The following ZNF740 variants were observed in gnomAD, a reference collection of about 807,000 sequenced individuals.
The protein encoded by ZNF740 is oriLyt TD-element-binding protein 7.
Under a neutral mutation model 24.8 loss-of-function variants are expected in ZNF740, and 14 were observed. The observed-to-expected ratio is 0.56, with a 90% CI of 0.37 to 0.88. ZNF740 has a LOEUF of 0.88. Among genes scored for constraint, ZNF740 ranks in the 40% least tolerant of loss-of-function variants. The pLI is 0.00. For synonymous variants in ZNF740, 69 were observed against 84.0 expected, an observed-to-expected ratio of 0.82 and a Z score of 0.98; for missense variants, 201 against 247.9, an observed-to-expected ratio of 0.81 and a Z score of 1.27.
Position 53,194,288 on chromosome 12 carries a change from A to T in ZNF740, c.*6698A>T, listed in dbSNP as rs2120435085. 1.2e-6 allele frequency: 2 copies of T among 1,613,932 alleles called. No individual in the cohort carries two copies. Among genetic ancestry groups the T allele is most frequent in the East Asian group, 4.5e-5 (2 of 44,872 alleles). Reference sequence around the variant, plus strand: ...GACCCTCACACTGGGATTCGTAAGAAATGTGGACCCCAGGAGGGAGTGAAG... The same window carrying T: ...GACCCTCACACTGGGATTCGTAAGATATGTGGACCCCAGGAGGGAGTGAAG... On this transcript the variant is annotated 3_prime_UTR_variant, in exon 7 of 7. Transcript: ENST00000416904.
chr12:53,185,455 T>A lies in ZNF740; in HGVS notation c.228T>A (p.His76Gln). 1 of 1,613,940 alleles carries A rather than the reference T, an allele frequency of 6.2e-7. No homozygotes were observed. Among genetic ancestry groups the A allele is most frequent in the Non-Finnish European group, 8.5e-7 (1 of 1,179,862 alleles). The change falls in exon 4 of 7, where the codon CAT becomes CAA. Residue 76 changes from histidine (H) to glutamine (Q), a missense_variant. Coordinates refer to ENST00000416904, the MANE Select transcript of ZNF740 (RefSeq NM_001004304.4). ...ATGACAGCTTGTCTGAGGCCTCTCA[T>A]TCAAAAAAGACTGTTAAAAAGGCAG... ...KDDDSLSEAS[H>Q]SKKTVKKVVV...
At chr12:53,183,395 C>T (rs545515165) in intron 2 of ZNF740, among the ~76,000 whole-genome samples, 3 of 152,234 alleles carry the variant, frequency 2.0e-5, no homozygotes, top group African/African-American at 7.2e-5. Flanking sequence ...ACTCCAAAGT[C>T]CCAGAAGGTG....
chr12:53,180,750 A>T lies in ZNF740; in HGVS notation c.-395A>T. The T allele has an allele frequency of 7.9e-7, 1 of 1,266,260 alleles. No individual in the cohort carries two copies. The highest frequency in any genetic ancestry group is 1.0e-6 in the Non-Finnish European group (1 of 978,192). The allele number at this position is 1,266,260 out of a possible 1,614,324, so 78.4% of individuals were successfully genotyped here. On this transcript the variant is annotated 5_prime_UTR_variant, in exon 1 of 7. Transcript: ENST00000416904. ...AACTTGCCTCGGTCCCGGTGGGGGC[A>T]GCCGCGGCGGTGGGGTTGGCAGGGT... is the stretch of plus-strand genomic sequence containing the variant.
chr12:53,185,466 C>G lies in ZNF740; in HGVS notation c.239C>G (p.Thr80Ser), dbSNP rs192801175. ...TCTGAGGCCTCTCATTCAAAAAAGA[C>G]TGTTAAAAAGGCAGGTAATGGGGTG... is the stretch of plus-strand genomic sequence containing the variant. ...SLSEASHSKK[T>S]VKKVVVVEQN... The change falls in exon 4 of 7, where the codon ACT (threonine) becomes AGT (serine). Residue 80 changes from threonine to serine, a missense_variant. Physicochemically the swap from Thr to Ser is moderately conservative, Grantham distance 58. Around this residue, in one of 3 missense-constraint regions of ZNF740, gnomAD observed 117 missense variants for 122.3 expected, o/e 0.96. Transcript: ENST00000416904. The G allele has an allele frequency of 1.2e-6, 2 of 1,613,906 alleles. No individual in the cohort carries two copies. The highest frequency in any genetic ancestry group is 2.2e-5 in the East Asian group (1 of 44,884).
At chr12:53,182,545 T>C (rs1941692456) in intron 2 of ZNF740, among the ~76,000 whole-genome samples, 1 of 152,064 alleles carries the variant, frequency 6.6e-6, no homozygotes, top group African/African-American at 2.4e-5. Context: ...TAGGGGTATG[T>C]ACATAGGAGA....
In ZNF740 at chr12:53,186,515, G is replaced by A; in HGVS notation, c.492+6G>A. 3 of 1,550,116 alleles carry A rather than the reference G, an allele frequency of 1.9e-6. No individual in the cohort carries two copies. The highest frequency in any genetic ancestry group is 2.4e-5 in the South Asian group (2 of 84,196). ...AGTGTGAACGGTGTCATCAGGTAAG[G>A]CTCATCCCTGCTACAATACCCCACA... is the stretch of plus-strand genomic sequence containing the variant. On this transcript the variant is annotated splice_donor_region_variant and intron_variant, in intron 6 of 6. Transcript: ENST00000416904.
Position 53,193,129 on chromosome 12 carries a change from G to A in ZNF740, c.*5539G>A, listed in dbSNP as rs1942026566. 6.3e-7 allele frequency: 1 copy of A among 1,597,446 alleles called. No homozygotes were observed. Among genetic ancestry groups the A allele is most frequent in the African/African-American group, 1.3e-5 (1 of 74,644 alleles). On this transcript the variant is annotated 3_prime_UTR_variant, in exon 7 of 7. Transcript: ENST00000416904. ...CTCAGACCCCGCCCTTCTCCCCAAG[G>A]CTCCAGGTACCTCCGCAGAGGATGC...
intron 6 of ZNF740, 49 bp from the exon 7 acceptor site, chr12:53,187,452 G>A (rs1411988991): frequency 1.3e-6 from 2 of 1,517,662 alleles, no homozygotes; most frequent in East Asian, 4.5e-5. Flanking sequence ...TTAGCCAACA[G>A]GTAGCTGCGT....
intron 2 of ZNF740, among the ~76,000 whole-genome samples, chr12:53,184,667 A>G (rs753045975): frequency 3.3e-5 from 5 of 152,202 alleles, no homozygotes; most frequent in African/African-American, 4.8e-5. Flanking sequence ...TTGATTATTT[A>G]CTTGATCTAT....
At position 53,191,868 on chromosome 12, in the gene ZNF740, G is replaced by C; in HGVS notation, c.*4278G>C. On this transcript the variant is annotated 3_prime_UTR_variant, in exon 7 of 7. Coordinates refer to ENST00000416904, the MANE Select transcript of ZNF740 (RefSeq NM_001004304.4). The stretch of plus-strand genomic sequence containing the variant: ...CAGGAAGTCTCCTCACCTGCTTCCA[G>C]TTGAGTTGTTGCTGCTCCTTCTCAA... The C allele has an allele frequency of 6.2e-7, 1 of 1,613,450 alleles. No homozygotes were observed. The highest frequency in any genetic ancestry group is 1.1e-5 in the South Asian group (1 of 91,056).
chr12:53,194,054 A>G lies in ZNF740; in HGVS notation c.*6464A>G, dbSNP rs1447093807. The G allele has an allele frequency of 8.1e-6, 11 of 1,365,996 alleles. No individual in the cohort carries two copies. The highest frequency in any genetic ancestry group is 4.3e-5 in the African/African-American group (3 of 69,870). The allele number at this position is 1,365,996 out of a possible 1,614,324, so 84.6% of individuals were successfully genotyped here. On this transcript the variant is annotated 3_prime_UTR_variant, in exon 7 of 7. Coordinates refer to ENST00000416904, the MANE Select transcript of ZNF740 (RefSeq NM_001004304.4). ...AGAAACATGCCTGAGGAAGCCACTC[A>G]GACTGCTCCAGGAAGGATGGATGGA...
chr12:53,181,123 T>G, intron 1 of ZNF740: 1 of 963,706 alleles, frequency 1.0e-6, no homozygotes, highest in Non-Finnish European at 1.2e-6. Context: ...CTGCTCCCGG[T>G]TGGTGCAGCG....
intron 1 of ZNF740, chr12:53,181,391 A>G: frequency 1.0e-6 from 1 of 985,438 alleles, no homozygotes; most frequent in Non-Finnish European, 1.2e-6. Context: ...AAAGCCCCAA[A>G]GGGTCTCCGC....
chr12:53,192,758 A>G lies in ZNF740; in HGVS notation c.*5168A>G. ...CATAGAGCACCATAGTAGCCGTCCAAGCACTGGCAGCGGTTGCATTTGCAG... is the reference window on the plus strand; with the variant it reads ...CATAGAGCACCATAGTAGCCGTCCAGGCACTGGCAGCGGTTGCATTTGCAG... On this transcript the variant is annotated 3_prime_UTR_variant, in exon 7 of 7. Coordinates refer to ENST00000416904, the MANE Select transcript of ZNF740 (RefSeq NM_001004304.4). 1 of 1,614,230 alleles carries G rather than the reference A, an allele frequency of 6.2e-7. No homozygotes were observed. The highest frequency in any genetic ancestry group is 2.2e-5 in the East Asian group (1 of 44,888).
chr12:53,188,894 G>A lies in ZNF740; in HGVS notation c.*1304G>A, dbSNP rs547846607. 1 of 152,324 alleles carries A rather than the reference G, an allele frequency of 6.6e-6. No individual in the cohort carries two copies. The highest frequency in any genetic ancestry group is 2.4e-5 in the African/African-American group (1 of 41,550). The allele number at this position is 152,324 out of a possible 1,614,324, so 9.4% of individuals were successfully genotyped here. ...CTCCCAAAAAAGTAATCGGGTGTGT[G>A]TGTGTGTGTGAGAGAGAGTGTGTGT... On this transcript the variant is annotated 3_prime_UTR_variant, in exon 7 of 7. Transcript: ENST00000416904.
chr12:53,190,160 A>G lies in ZNF740; in HGVS notation c.*2570A>G, dbSNP rs1347135363. ...CCCGCGCTGATGTCTGGGGCAGTGC[A>G]TGTGTGAGAAGAGAGGCGCAAAGCA... On this transcript the variant is annotated 3_prime_UTR_variant, in exon 7 of 7. Coordinates refer to ENST00000416904, the MANE Select transcript of ZNF740 (RefSeq NM_001004304.4). 6.6e-6 allele frequency: 1 copy of G among 152,458 alleles called. No homozygotes were observed. The highest frequency in any genetic ancestry group is 2.4e-5 in the African/African-American group (1 of 41,446). The allele number at this position is 152,458 out of a possible 1,614,324, so 9.4% of individuals were successfully genotyped here. A position where few individuals can be genotyped will look rare whatever the true frequency, so the allele number is the denominator to read the frequency against.
At position 53,194,020 on chromosome 12, in the gene ZNF740, C is replaced by CTAG; in HGVS notation, c.*6430_*6431insTAG. The CTAG allele has an allele frequency of 7.7e-7, 1 of 1,303,332 alleles. No individual in the cohort carries two copies. The highest frequency in any genetic ancestry group is 1.4e-5 in the South Asian group (1 of 71,992). 80.7% of individuals were successfully genotyped at this position (1,303,332 alleles called of 1,614,324 possible). On this transcript the variant is annotated 3_prime_UTR_variant, in exon 7 of 7. Coordinates refer to ENST00000416904, the MANE Select transcript of ZNF740 (RefSeq NM_001004304.4). ...TGAAGGGATGGGGTCATGTTAACAC[C>CTAG]CAACTCCTAGAAACATGCCTGAGGA...
chr12:53,192,196 G>T lies in ZNF740; in HGVS notation c.*4606G>T. On this transcript the variant is annotated 3_prime_UTR_variant, in exon 7 of 7. Transcript: ENST00000416904. ...CTTAGCCTCGTCCACTTGCTCAATT[G>T]CCTCTGCCTTTGTCCTGGATTCACA... The T allele has an allele frequency of 8.3e-7, 1 of 1,206,836 alleles. No homozygotes were observed. The highest frequency in any genetic ancestry group is 1.2e-6 in the Non-Finnish European group (1 of 853,814). The allele number at this position is 1,206,836 out of a possible 1,614,324, so 74.8% of individuals were successfully genotyped here. A position where few individuals can be genotyped will look rare whatever the true frequency, so the allele number is the denominator to read the frequency against.
chr12:53,185,622 G>A (rs1299374154), intron 4 of ZNF740, 146 bp downstream of exon 4: 19 of 771,572 alleles, frequency 2.5e-5, no homozygotes, highest in Middle Eastern at 3.8e-4. Flanking sequence ...ATTTCATCCA[G>A]AGACTACCTT....
Sources: allele counts gnomAD v4.1 joint callset (sites outside exome capture counted in the v4.1 genomes callset), GRCh38; gene constraint gnomAD v4.1.1; regional missense constraint gnomAD v4.1.1; transcripts MANE v1.5; gene names NCBI Gene and HGNC (gene_info 2026-07-23, HGNC 2026-07-21).